ADAMTSL1: variants seen among roughly 807,000 people sequenced by gnomAD.
The protein encoded by ADAMTSL1 is ADAMTS-like protein 1.
ADAMTSL1 carries 126 observed loss-of-function variants against 201.8 expected under a neutral mutation model. The observed-to-expected ratio is 0.62, with a 90% confidence interval of 0.54 to 0.72. ADAMTSL1 has a LOEUF of 0.72. ADAMTSL1 is among the 30% of genes least tolerant of loss of function. ADAMTSL1 has a pLI of 0.00. For synonymous variants in ADAMTSL1, 1,121 were observed against 903.4 expected (o/e 1.24, Z -4.32); for missense variants, 2,679 against 2,277.8 (o/e 1.18, Z -3.59).
At chr9:18,815,728 A>AAAAAAAAAAAAAAC (rs1823803878) in intron 20 of ADAMTSL1, among the ~76,000 whole-genome samples, 1 of 150,812 alleles carries the variant, frequency 6.6e-6, no homozygotes, top group South Asian at 2.1e-4. Flanking sequence ...AAAAAAAAAA[A>AAAAAAAAAAAAAAC]AAAAAAAGAG....
rs1166068285 is a variant in ADAMTSL1 at position 17,911,117 on chromosome 9, T to A, written c.87+4195T>A. Among the ~76,000 whole-genome samples the A allele has an allele frequency of 2.9e-5, 2 of 68,928 alleles. 1 individual carries two copies. Among genetic ancestry groups the A allele is most frequent in the African/African-American group, 5.9e-5 (2 of 34,158 alleles). 45.2% of individuals were successfully genotyped at this position (68,928 alleles called of 152,430 possible). On this transcript the variant is annotated intron_variant, in intron 1 of 29. Transcript: ENST00000680146. ...AAAAATTATTTGGAAATCTAAAGATTTCTTTCTTCTCACTGAATTTCTGCT... is the reference window on the plus strand; with the variant it reads ...AAAAATTATTTGGAAATCTAAAGATATCTTTCTTCTCACTGAATTTCTGCT...
intron 4 of ADAMTSL1, among the ~76,000 whole-genome samples, chr9:18,578,827 T>C (rs1041558962): frequency 2.6e-5 from 4 of 151,170 alleles, no homozygotes; most frequent in African/African-American, 9.8e-5. Flanking sequence ...ATGGTTGAAC[T>C]AGTTTACAGT....
chr9:18,586,296 C>T (rs983154441), intron 4 of ADAMTSL1, among the ~76,000 whole-genome samples: 2 of 152,150 alleles, frequency 1.3e-5, no homozygotes, highest in Non-Finnish European at 2.9e-5. Flanking sequence ...ACACCAACAA[C>T]AGCCAAGCTG....
At chr9:17,994,090 T>TTGTG (rs367861504) in intron 1 of ADAMTSL1, among the ~76,000 whole-genome samples, 2,488 of 142,164 alleles carry the variant, frequency 0.018, 70 homozygotes, top group African/African-American at 0.057. Context: ...CAGAATCTCA[T>TTGTG]TGTGTGTGTG....
At chr9:18,708,321 A>T (rs1308591917) in intron 14 of ADAMTSL1, among the ~76,000 whole-genome samples, 3 of 152,192 alleles carry the variant, frequency 2.0e-5, no homozygotes, top group Non-Finnish European at 4.4e-5. Flanking sequence ...AATAGTGCTG[A>T]CCTTGAGGTT....
intron 1 of ADAMTSL1, among the ~76,000 whole-genome samples, chr9:18,119,099 T>C (rs1296998474): frequency 1.3e-5 from 2 of 152,138 alleles, no homozygotes; most frequent in Non-Finnish European, 1.5e-5. Context: ...AATCATTGTA[T>C]CCATTTCATT....
chr9:18,429,548 T>C (rs1285515229), intron 2 of ADAMTSL1, among the ~76,000 whole-genome samples: 1 of 152,060 alleles, frequency 6.6e-6, no homozygotes, highest in Non-Finnish European at 1.5e-5. Flanking sequence ...TAAAGTCGAA[T>C]ACCCAGAACA....
At chr9:18,406,186 G>A (rs1818184351) in intron 2 of ADAMTSL1, among the ~76,000 whole-genome samples, 1 of 152,182 alleles carries the variant, frequency 6.6e-6, no homozygotes, top group South Asian at 2.1e-4. Flanking sequence ...GAATGCATGA[G>A]GGAGGAGAGA....
chr9:18,826,791 AT>A (rs1442784014), intron 22 of ADAMTSL1, among the ~76,000 whole-genome samples: 1 of 152,238 alleles, frequency 6.6e-6, no homozygotes, highest in African/African-American at 2.4e-5. Context: ...AGATAACCTA[AT>A]TAAAACAATT....
intron 23 of ADAMTSL1, among the ~76,000 whole-genome samples, chr9:18,878,118 C>T (rs1246676732): frequency 6.6e-6 from 1 of 152,194 alleles, no homozygotes; most frequent in Non-Finnish European, 1.5e-5. Flanking sequence ...CTCACTCCCA[C>T]CATGCCCCAC....
chr9:18,118,240 G>A (rs914594621), intron 1 of ADAMTSL1, among the ~76,000 whole-genome samples: 2 of 152,190 alleles, frequency 1.3e-5, no homozygotes, highest in African/African-American at 4.8e-5. Context: ...TTCACTCAGT[G>A]ATTCTTGCTA....
In ADAMTSL1 at chr9:18,522,696, T is replaced by G. The variant is rs981661239; in HGVS notation, c.192-10551T>G. The stretch of plus-strand genomic sequence containing the variant: ...ATGAGTGAGAACATGCGATGTTTGT[T>G]TTTTTTTTCCCTGCAATAGTTTGCT... On this transcript the variant is annotated intron_variant, in intron 2 of 28. Transcript: ENST00000380548. 6.6e-5 allele frequency among the ~76,000 whole-genome samples: 10 copies of G among 150,924 alleles called. No homozygotes were observed. In the East Asian group the frequency reaches 7.8e-4, roughly 12 times the overall value.
At chr9:18,441,282 C>T (rs1421118313) in intron 2 of ADAMTSL1, among the ~76,000 whole-genome samples, 1 of 152,018 alleles carries the variant, frequency 6.6e-6, no homozygotes, top group Non-Finnish European at 1.5e-5. Context: ...AATTCACTCA[C>T]AAAAAAGTGA....
intron 1 of ADAMTSL1, among the ~76,000 whole-genome samples, chr9:17,985,808 G>C (rs962537959): frequency 1.3e-5 from 2 of 152,066 alleles, no homozygotes; most frequent in African/African-American, 4.8e-5. Flanking sequence ...TCTGTAAAGA[G>C]CAACATCTGG....
intron 1 of ADAMTSL1, among the ~76,000 whole-genome samples, chr9:18,119,437 A>T (rs1163463493): frequency 6.6e-6 from 1 of 152,054 alleles, no homozygotes; most frequent in Non-Finnish European, 1.5e-5. Flanking sequence ...AGTAGCTGAG[A>T]CTACAGGTGT....
chr9:18,217,387 T>A (rs1830092717), intron 2 of ADAMTSL1, among the ~76,000 whole-genome samples: 2 of 152,134 alleles, frequency 1.3e-5, no homozygotes, highest in South Asian at 4.1e-4. Flanking sequence ...CAAATGTTTC[T>A]TGAGGTGCCA....
At chr9:18,500,299 C>T (rs1295203667) in intron 1 of ADAMTSL1, among the ~76,000 whole-genome samples, 1 of 152,184 alleles carries the variant, frequency 6.6e-6, no homozygotes, top group African/African-American at 2.4e-5. Flanking sequence ...GAAAATGACA[C>T]CATTCTGAGG....
intron 1 of ADAMTSL1, among the ~76,000 whole-genome samples, chr9:18,103,572 A>G (rs1020177447): frequency 6.6e-6 from 1 of 152,178 alleles, no homozygotes; most frequent in Non-Finnish European, 1.5e-5. Flanking sequence ...ATACAGGATG[A>G]TATGCTCTGC....
chr9:18,079,721 AT>A lies in ADAMTSL1; in HGVS notation c.88-84140del, dbSNP rs1165515025. ...AATAAATAAATAAATAAATAAATAA[AT>A]AAATAAAATAAAAAATAAAAAGCAA... On this transcript the variant is annotated intron_variant, in intron 1 of 29. Coordinates refer to the ADAMTSL1 transcript ENST00000680146. 3.4e-3 allele frequency among the ~76,000 whole-genome samples: 507 copies of A among 150,786 alleles called. 4 individuals carry two copies. Among genetic ancestry groups the A allele is most frequent in the African/African-American group, 0.011 (464 of 41,130 alleles).
Sources: gnomAD v4.1 joint callset for allele counts (sites outside exome capture counted in the v4.1 genomes callset) on GRCh38, gnomAD v4.1.1 for gene constraint, MANE v1.5 for transcripts, NCBI Gene and HGNC (gene_info 2026-07-23, HGNC 2026-07-21) for gene names.